CAMKMT: variants seen among roughly 807,000 people sequenced by gnomAD.
CAMKMT encodes calmodulin-lysine N-methyltransferase, also known as CaM KMT.
A neutral mutation model predicts 48.0 loss-of-function variants in CAMKMT; 53 were observed. That is an observed-to-expected ratio of 1.10 (90% CI 0.89 to 1.39). The LOEUF is 1.39. Ranked by LOEUF, CAMKMT falls within the 40% of genes most tolerant of loss-of-function variation. The probability of loss-of-function intolerance (pLI) is 0.00; values close to 1 mark genes in which losing one functional copy is unlikely to be tolerated. For missense variants in CAMKMT, 428 were observed against 402.7 expected (o/e 1.06, Z -0.54); for synonymous variants, 165 against 152.3 (o/e 1.08, Z -0.61).
At chr2:44,367,176 G>T (rs971719493) in intron 1 of CAMKMT, among the ~76,000 whole-genome samples, 1 of 152,268 alleles carries the variant, frequency 6.6e-6, no homozygotes, top group East Asian at 1.9e-4. Flanking sequence ...TAGGGTAACT[G>T]GAATTGGCCA....
chr2:44,493,724 T>C (rs143121418), intron 3 of CAMKMT, among the ~76,000 whole-genome samples: 5 of 152,324 alleles, frequency 3.3e-5, no homozygotes, highest in Admixed American at 1.3e-4. Flanking sequence ...AAAAAATATT[T>C]GTACTTGATT....
At chr2:44,397,460 T>C (rs1037008938) in intron 3 of CAMKMT, among the ~76,000 whole-genome samples, 2 of 152,184 alleles carry the variant, frequency 1.3e-5, no homozygotes, top group African/African-American at 2.4e-5. Flanking sequence ...GTACATGTAG[T>C]CTTTGATTCT....
chr2:44,487,823 T>C (rs918730421), intron 3 of CAMKMT, among the ~76,000 whole-genome samples: 1 of 152,276 alleles, frequency 6.6e-6, no homozygotes, highest in Non-Finnish European at 1.5e-5. Context: ...CTAGTTTGAG[T>C]TGTCACCTTT....
intron 5 of CAMKMT, 41 bp from the exon 6 acceptor site, chr2:44,707,358 A>G: frequency 6.3e-7 from 1 of 1,584,274 alleles, no homozygotes; most frequent in Non-Finnish European, 8.7e-7. Context: ...ACAGACAAGC[A>G]TATTTGCTCA....
chr2:44,674,258 C>T (rs1234883057), intron 3 of CAMKMT, among the ~76,000 whole-genome samples: 1 of 152,172 alleles, frequency 6.6e-6, no homozygotes, highest in Non-Finnish European at 1.5e-5. Flanking sequence ...AAAGGGTATG[C>T]AAACCCCTGT....
Position 44,601,686 on chromosome 2 carries a change from T to G in CAMKMT, c.377-102597T>G, listed in dbSNP as rs1256882234. Reference sequence around the variant, plus strand: ...CTTACTATTCTCTAAATTCCATTCATTATTTTATTTTTTTCTTGCTCTAAG... The same window carrying G: ...CTTACTATTCTCTAAATTCCATTCAGTATTTTATTTTTTTCTTGCTCTAAG... On this transcript the variant is annotated intron_variant, in intron 3 of 10. Coordinates refer to ENST00000378494, the MANE Select transcript of CAMKMT (RefSeq NM_024766.5). Among the ~76,000 whole-genome samples the G allele has an allele frequency of 3.9e-5, 6 of 152,096 alleles. No individual in the cohort carries two copies. The East Asian group carries it at 1.2e-3, about 29-fold the overall frequency.
chr2:44,549,119 T>C (rs528072081), intron 3 of CAMKMT, among the ~76,000 whole-genome samples: 39 of 152,216 alleles, frequency 2.6e-4, no homozygotes, highest in Non-Finnish European at 4.6e-4. Flanking sequence ...TCAAATCTTA[T>C]GTCTCTTTCT....
intron 4 of CAMKMT, chr2:44,705,203 A>G (rs1409028289): frequency 4.6e-6 from 1 of 215,166 alleles, no homozygotes; most frequent in East Asian, 1.8e-4. Context: ...AAACAACCAA[A>G]CACTCATTAA....
At chr2:44,661,218 C>T (rs1278129096) in intron 3 of CAMKMT, among the ~76,000 whole-genome samples, 1 of 151,398 alleles carries the variant, frequency 6.6e-6, no homozygotes, top group Non-Finnish European at 1.5e-5. Flanking sequence ...GCATTAGGTT[C>T]AGAATGAGTT....
chr2:44,436,376 C>G (rs923303408), intron 3 of CAMKMT, among the ~76,000 whole-genome samples: 2 of 152,146 alleles, frequency 1.3e-5, no homozygotes, highest in Non-Finnish European at 2.9e-5. Context: ...CTGGTCCGGC[C>G]AAACTCAATT....
chr2:44,667,371 A>T (rs1417407000), intron 3 of CAMKMT, among the ~76,000 whole-genome samples: 1 of 152,192 alleles, frequency 6.6e-6, no homozygotes, highest in Non-Finnish European at 1.5e-5. Flanking sequence ...CCCTCTCAGC[A>T]GCTGAAGAGG....
At chr2:44,629,433 C>CTTTCT (rs1672681084) in intron 3 of CAMKMT, among the ~76,000 whole-genome samples, 1 of 125,328 alleles carries the variant, frequency 8.0e-6, no homozygotes, top group African/African-American at 3.0e-5. Flanking sequence ...TTCTTTCTTT[C>CTTTCT]TTTTTTTTTT....
chr2:44,363,847 C>T (rs1572625519), intron 1 of CAMKMT, among the ~76,000 whole-genome samples: 1 of 151,640 alleles, frequency 6.6e-6, no homozygotes, highest in South Asian at 2.1e-4. Flanking sequence ...CTCGCCATTA[C>T]GCCCAGCTAA....
At chr2:44,453,375 A>G (rs1667394309) in intron 3 of CAMKMT, among the ~76,000 whole-genome samples, 1 of 152,094 alleles carries the variant, frequency 6.6e-6, no homozygotes, top group Non-Finnish European at 1.5e-5. Context: ...CAAGTGAACC[A>G]TCTCATTTAA....
chr2:44,540,474 A>G (rs1225019121), intron 3 of CAMKMT, among the ~76,000 whole-genome samples: 2 of 152,226 alleles, frequency 1.3e-5, no homozygotes, highest in South Asian at 2.1e-4. Flanking sequence ...ATACGAGGCC[A>G]GGCCAGTGGC....
chr2:44,540,003 C>G lies in CAMKMT; in HGVS notation c.376+149698C>G, dbSNP rs1667005624. 3.3e-5 allele frequency among the ~76,000 whole-genome samples: 5 copies of G among 151,984 alleles called. No individual in the cohort carries two copies. The South Asian group carries it at 1.0e-3, about 32-fold the overall frequency. ...TTGAAACTATTGAAACATATTGTTC[C>G]TCATTAAACTTTCAGTTTTAGCATA... On this transcript the variant is annotated intron_variant, in intron 3 of 10. Coordinates refer to ENST00000378494, the MANE Select transcript of CAMKMT (RefSeq NM_024766.5).
rs1323860692 is a variant in CAMKMT at position 44,618,877 on chromosome 2, G to A, written c.377-85406G>A. ...TATTTCATGTATAATTGATGACAAT[G>A]TTTCATGTAATTATTGATAACTTCA... On this transcript the variant is annotated intron_variant, in intron 3 of 10. Coordinates refer to ENST00000378494, the MANE Select transcript of CAMKMT (RefSeq NM_024766.5). The surrounding 1 kb of genome is among the most constrained non-coding windows in gnomAD (Gnocchi z 4.0). Among the ~76,000 whole-genome samples the A allele has an allele frequency of 6.6e-6, 1 of 152,114 alleles. No homozygotes were observed. Among genetic ancestry groups the A allele is most frequent in the African/African-American group, 2.4e-5 (1 of 41,438 alleles).
chr2:44,633,302 G>A (rs1442393648), intron 3 of CAMKMT, among the ~76,000 whole-genome samples: 3 of 152,018 alleles, frequency 2.0e-5, no homozygotes, highest in Admixed American at 6.6e-5. Context: ...CTGGCCTTAT[G>A]TATCTTTGGT....
intron 2 of CAMKMT, among the ~76,000 whole-genome samples, chr2:44,379,052 C>T (rs972190485): frequency 1.6e-4 from 25 of 152,192 alleles, no homozygotes; most frequent in African/African-American, 5.3e-4. Context: ...ACCCCATATA[C>T]ATTGGCTGTA....
Sources: gnomAD v4.1 joint callset for allele counts (sites outside exome capture counted in the v4.1 genomes callset) on GRCh38, gnomAD v4.1.1 for gene constraint, Gnocchi (gnomAD v3.1) non-coding constraint, MANE v1.5 for transcripts, NCBI Gene and HGNC (gene_info 2026-07-23, HGNC 2026-07-21) for gene names.